The following TIAM1 variants were observed in gnomAD, a reference collection of about 807,000 sequenced individuals.
TIAM1 encodes the protein TIAM Rac1 associated GEF 1.
TIAM1 carries 65 observed loss-of-function variants against 163.5 expected under a neutral mutation model. That is an observed-to-expected ratio of 0.40 (90% CI 0.33 to 0.49). The LOEUF (loss-of-function observed/expected upper bound fraction) is 0.49. Ranked by LOEUF, TIAM1 falls within the 20% of genes least tolerant of loss-of-function variation. The pLI is 0.77. For synonymous variants in TIAM1, 833 were observed against 810.1 expected (o/e 1.03, Z -0.48); for missense variants, 1,789 against 2,044.7 (o/e 0.87, Z 2.41).
chr21:31,432,825 C>T (rs1243343221), intron 2 of TIAM1, among the ~76,000 whole-genome samples: 1 of 152,092 alleles, frequency 6.6e-6, no homozygotes, highest in East Asian at 1.9e-4. Context: ...TCTGAAGTGC[C>T]GTATCACAAA....
intron 2 of TIAM1, among the ~76,000 whole-genome samples, chr21:31,327,091 G>A (rs2075513470): frequency 6.6e-6 from 1 of 152,144 alleles, no homozygotes; most frequent in Non-Finnish European, 1.5e-5. Flanking sequence ...AAACCCCAGA[G>A]GAGCAGCCTG....
At chr21:31,375,234 A>G (rs538362126) in intron 2 of TIAM1, among the ~76,000 whole-genome samples, 1 of 152,232 alleles carries the variant, frequency 6.6e-6, no homozygotes, top group Non-Finnish European at 1.5e-5. Context: ...ACTGTTTAAT[A>G]GAAAAAAAAG....
intron 2 of TIAM1, among the ~76,000 whole-genome samples, chr21:31,331,205 C>T (rs961753690): frequency 1.3e-5 from 2 of 152,176 alleles, no homozygotes; most frequent in East Asian, 1.9e-4. Flanking sequence ...AAGATGCCTA[C>T]AAATTTCTGG....
chr21:31,540,847 G>A (rs969887382), intron 1 of TIAM1, among the ~76,000 whole-genome samples: 1 of 152,164 alleles, frequency 6.6e-6, no homozygotes, highest in Non-Finnish European at 1.5e-5. Context: ...TACCTGAAAA[G>A]TAAAGAAATG....
chr21:31,171,035 CAAAAAAAAAA>C (rs34291568), intron 15 of TIAM1, among the ~76,000 whole-genome samples: 1 of 19,572 alleles, frequency 5.1e-5, no homozygotes, highest in Non-Finnish European at 1.8e-4. Context: ...GACTCCATCT[CAAAAAAAAAA>C]AAAAAAAAAA....
chr21:31,558,020 G>A (rs755776350), intron 1 of TIAM1, among the ~76,000 whole-genome samples: 38 of 152,168 alleles, frequency 2.5e-4, no homozygotes, highest in Non-Finnish European at 4.1e-4. Context: ...GGGGGAGGGG[G>A]CGTCACCTGA....
chr21:31,159,288 T>C (rs1329744183), intron 16 of TIAM1, among the ~76,000 whole-genome samples: 1 of 152,092 alleles, frequency 6.6e-6, no homozygotes, highest in East Asian at 1.9e-4. Context: ...ACCAGCGTGA[T>C]GCTCAATGTT....
At chr21:31,425,659 TTCTC>T (rs368739584) in intron 2 of TIAM1, among the ~76,000 whole-genome samples, 4,549 of 136,570 alleles carry the variant, frequency 0.033, 284 homozygotes, top group African/African-American at 0.12. Context: ...CTTTCTTTCT[TTCTC>T]TCTCTCTTTC....
chr21:31,133,794 G>A (rs2146246759), intron 23 of TIAM1, among the ~76,000 whole-genome samples: 1 of 152,316 alleles, frequency 6.6e-6, no homozygotes, highest in African/African-American at 2.4e-5. Flanking sequence ...AGAGGGTCGG[G>A]CGCGGTGGCT....
intron 1 of TIAM1, among the ~76,000 whole-genome samples, chr21:31,491,792 G>GA (rs1463220650): frequency 6.6e-6 from 1 of 152,226 alleles, no homozygotes; most frequent in East Asian, 1.9e-4. Context: ...CTTTGGAGAA[G>GA]AAAATCTTCC....
At chr21:31,276,399 A>C (rs2073301099) in intron 3 of TIAM1, among the ~76,000 whole-genome samples, 1 of 152,194 alleles carries the variant, frequency 6.6e-6, no homozygotes. Flanking sequence ...CATTGTTTTC[A>C]AGTCAGATTT....
intron 5 of TIAM1, among the ~76,000 whole-genome samples, chr21:31,246,785 A>G (rs1045877731): frequency 3.9e-5 from 6 of 152,226 alleles, no homozygotes; most frequent in Non-Finnish European, 8.8e-5. Flanking sequence ...ACGTCCCTCC[A>G]AACAGATGAA....
At chr21:31,421,769 G>A (rs35339387) in intron 2 of TIAM1, among the ~76,000 whole-genome samples, 19,845 of 151,988 alleles carry the variant, frequency 0.13, 2,005 homozygotes, top group African/African-American at 0.28. Flanking sequence ...GCAGGAGGAC[G>A]GCTTGAGGCC....
At chr21:31,232,369 T>C (rs1369318187) in intron 6 of TIAM1, among the ~76,000 whole-genome samples, 2 of 152,054 alleles carry the variant, frequency 1.3e-5, no homozygotes, top group African/African-American at 4.8e-5. Context: ...AAAGCAACAG[T>C]CCCTACCATT....
At chr21:31,256,588 TACACACACACACACAC>T (rs5030999) in intron 4 of TIAM1, among the ~76,000 whole-genome samples, 40 of 128,242 alleles carry the variant, frequency 3.1e-4, no homozygotes, top group Middle Eastern at 4.4e-3. Context: ...TACCCCTCAC[TACACACACACACACAC>T]ACACACACAC....
At chr21:31,433,028 T>TGGG (rs2044096191) in intron 2 of TIAM1, among the ~76,000 whole-genome samples, 1 of 152,212 alleles carries the variant, frequency 6.6e-6, no homozygotes, top group African/African-American at 2.4e-5. Context: ...TAAATGTATG[T>TGGG]GGGTATGTCT....
intron 1 of TIAM1, among the ~76,000 whole-genome samples, chr21:31,535,380 C>CAAAAAA (rs59742048): frequency 4.4e-4 from 24 of 54,298 alleles, no homozygotes; most frequent in African/African-American, 1.0e-3. Context: ...GGCTCCATCT[C>CAAAAAA]AAAAAAAAAA....
chr21:31,501,466 G>T (rs9981507), intron 1 of TIAM1, among the ~76,000 whole-genome samples: 54,963 of 151,796 alleles, frequency 0.36, 10,266 homozygotes, highest in Non-Finnish European at 0.4. Flanking sequence ...TGACCTTTGG[G>T]CCTGATTGAC....
chr21:31,241,276 A>G (rs2071162109), intron 6 of TIAM1, among the ~76,000 whole-genome samples: 1 of 152,192 alleles, frequency 6.6e-6, no homozygotes, highest in Non-Finnish European at 1.5e-5. Context: ...ACAAGCCCAG[A>G]TAGTCCCAAG....
Sources: gnomAD v4.1 joint callset for allele counts (sites outside exome capture counted in the v4.1 genomes callset) on GRCh38, gnomAD v4.1.1 for gene constraint, MANE v1.5 for transcripts, NCBI Gene and HGNC (gene_info 2026-07-23, HGNC 2026-07-21) for gene names.